The following COL28A1 variants were observed in gnomAD, a reference collection of about 807,000 sequenced individuals.
COL28A1 encodes the protein collagen type XXVIII alpha 1 chain.
In COL28A1, 161 loss-of-function variants were observed where a neutral mutation model predicts 150.2. The ratio of observed to expected loss-of-function variants is 1.07; its 90% CI spans 0.94 to 1.22. The LOEUF is 1.22. Ranked by LOEUF, COL28A1 falls within the 50% of genes most tolerant of loss-of-function variation. The probability of loss-of-function intolerance (pLI) is 0.00; values close to 1 mark genes in which losing one functional copy is unlikely to be tolerated. For synonymous variants in COL28A1, 552 were observed against 469.7 expected (o/e 1.18, Z -2.26); for missense variants, 1,617 against 1,388.3 (o/e 1.16, Z -2.62).
intron 13 of COL28A1, among the ~76,000 whole-genome samples, chr7:7,481,383 A>G (rs561012772): frequency 3.3e-5 from 5 of 152,308 alleles, no homozygotes; most frequent in Admixed American, 2.6e-4. Context: ...CCAGTTAAAC[A>G]CTCAGCATGG....
At chr7:7,415,828 G>A (rs1239473980) in intron 27 of COL28A1, among the ~76,000 whole-genome samples, 1 of 151,810 alleles carries the variant, frequency 6.6e-6, no homozygotes, top group Non-Finnish European at 1.5e-5. Context: ...GGGAAGACAA[G>A]GTCTCACTCT....
At chr7:7,356,853 A>G (rs1020846036), downstream of COL28A1, 2 of 152,194 alleles carry the variant, frequency 1.3e-5, no homozygotes, top group Non-Finnish European at 2.9e-5. Flanking sequence ...AATAAAAAAA[A>G]TTGACAAACA....
intron 18 of COL28A1, among the ~76,000 whole-genome samples, chr7:7,444,708 T>C (rs1205891525): frequency 6.6e-6 from 1 of 152,180 alleles, no homozygotes; most frequent in East Asian, 1.9e-4. Context: ...AAAGATATGT[T>C]GACATCCTAA....
At chr7:7,513,310 C>A (rs1425098300) in intron 8 of COL28A1, among the ~76,000 whole-genome samples, 1 of 152,224 alleles carries the variant, frequency 6.6e-6, no homozygotes, top group Admixed American at 6.5e-5. Flanking sequence ...AAATTTGAGT[C>A]TGTTAGGCTC....
chr7:7,446,806 A>C (rs1319919086), intron 18 of COL28A1, among the ~76,000 whole-genome samples: 2 of 152,162 alleles, frequency 1.3e-5, no homozygotes, highest in African/African-American at 4.8e-5. Flanking sequence ...GCATCTCTCT[A>C]AGGAGACAAA....
chr7:7,511,588 C>A, intron 8 of COL28A1: 1 of 319,558 alleles, frequency 3.1e-6, no homozygotes, highest in East Asian at 9.8e-5. Context: ...GAGTCTGAAC[C>A]CAGATACTTT....
intron 27 of COL28A1, among the ~76,000 whole-genome samples, chr7:7,396,662 G>A (rs1446617558): frequency 1.3e-5 from 2 of 152,126 alleles, no homozygotes; most frequent in Non-Finnish European, 2.9e-5. Context: ...TTGTTATCAG[G>A]CAAGCCATTT....
intron 31 of COL28A1, among the ~76,000 whole-genome samples, chr7:7,374,442 A>G (rs865857718): frequency 6.6e-6 from 1 of 152,250 alleles, no homozygotes; most frequent in South Asian, 2.1e-4. Context: ...GTCACCCACA[A>G]TGACAACTAT....
chr7:7,543,256 C>G, the COL28A1 span, among the ~76,000 whole-genome samples: 11 of 152,106 alleles, frequency 7.2e-5, no homozygotes, highest in Admixed American at 2.6e-4. Context: ...TTTTCCTCTT[C>G]TTGAACAAGT....
At chr7:7,473,940 ATACTG>A (rs1363800715) in intron 15 of COL28A1, among the ~76,000 whole-genome samples, 1 of 149,358 alleles carries the variant, frequency 6.7e-6, no homozygotes, top group Non-Finnish European at 1.5e-5. Flanking sequence ...TGGAATATAT[ATACTG>A]TATACTATAT....
At chr7:7,522,750 G>A (rs188084863) in intron 4 of COL28A1, among the ~76,000 whole-genome samples, 32 of 133,022 alleles carry the variant, frequency 2.4e-4, no homozygotes, top group Non-Finnish European at 9.2e-5. Context: ...ATTGGAAGAA[G>A]AAGAATTGCC....
chr7:7,426,813 C>T (rs1183738698), intron 25 of COL28A1, among the ~76,000 whole-genome samples: 3 of 152,146 alleles, frequency 2.0e-5, no homozygotes, highest in Non-Finnish European at 2.9e-5. Context: ...TGGCCTTTTG[C>T]CAAGAACTTC....
rs756619433 is a variant in COL28A1, at chr7:7,517,782, AGTTGTG to A, written c.855+8_855+13del. The A allele has an allele frequency of 1.2e-6, 2 of 1,613,410 alleles. No individual in the cohort carries two copies. Among genetic ancestry groups the A allele is most frequent in the Admixed American group, 3.3e-5 (2 of 59,960 alleles). On this transcript the variant is annotated splice_region_variant and intron_variant, in intron 7 of 34. Coordinates refer to ENST00000399429, the MANE Select transcript of COL28A1 (RefSeq NM_001037763.3). ...GATCACTTTCTTAGGAAGGCATTCCAGTTGTGTACATACCCCTGGACCTCTTTCTCC... is the reference window on the plus strand; with the variant it reads ...GATCACTTTCTTAGGAAGGCATTCCATACATACCCCTGGACCTCTTTCTCC...
At chr7:7,489,070 T>A (rs1439541106) in intron 13 of COL28A1, among the ~76,000 whole-genome samples, 1 of 152,072 alleles carries the variant, frequency 6.6e-6, no homozygotes, top group Non-Finnish European at 1.5e-5. Flanking sequence ...GAGTTCGAGA[T>A]GAGCCTGGCC....
chr7:7,464,851 CA>C (rs1385574961), intron 15 of COL28A1, among the ~76,000 whole-genome samples: 2 of 152,066 alleles, frequency 1.3e-5, no homozygotes, highest in Non-Finnish European at 2.9e-5. Context: ...ATAAATGAAA[CA>C]AAAACTGGTT....
chr7:7,394,251 C>G (rs1001788615), intron 27 of COL28A1, among the ~76,000 whole-genome samples: 3 of 152,238 alleles, frequency 2.0e-5, no homozygotes, highest in Admixed American at 6.5e-5. Context: ...AACTCACCCT[C>G]TGTGTGCTGC....
chr7:7,418,184 G>T (rs1784209436), intron 26 of COL28A1, among the ~76,000 whole-genome samples: 1 of 152,178 alleles, frequency 6.6e-6, no homozygotes, highest in Non-Finnish European at 1.5e-5. Context: ...AAGCAGAAAT[G>T]GAGGCCCAGG....
intron 6 of COL28A1, among the ~76,000 whole-genome samples, chr7:7,519,284 C>A (rs1781580564): frequency 6.6e-6 from 1 of 152,168 alleles, no homozygotes; most frequent in Non-Finnish European, 1.5e-5. Context: ...ATCACAAGAA[C>A]AGCATGGGAA....
intron 32 of COL28A1, among the ~76,000 whole-genome samples, chr7:7,372,015 TAG>T (rs1781251304): frequency 6.6e-6 from 1 of 151,918 alleles, no homozygotes; most frequent in African/African-American, 2.4e-5. Context: ...GTATTTTTAG[TAG>T]AGACGAGGTT....
Sources: allele counts gnomAD v4.1 joint callset (sites outside exome capture counted in the v4.1 genomes callset), GRCh38; gene constraint gnomAD v4.1.1; transcripts MANE v1.5; gene names NCBI Gene and HGNC (gene_info 2026-07-23, HGNC 2026-07-21).